CTNNA3: variants seen among roughly 807,000 people sequenced by gnomAD.
CTNNA3 encodes catenin alpha-3.
Under a neutral mutation model 95.7 loss-of-function variants are expected in CTNNA3, and 76 were observed. The observed-to-expected ratio is 0.79, with a 90% CI of 0.66 to 0.96. The LOEUF (loss-of-function observed/expected upper bound fraction) is 0.96. Among genes scored for constraint, CTNNA3 ranks in the 40% least tolerant of loss-of-function variants. The pLI, the probability that CTNNA3 is intolerant of heterozygous loss-of-function variation, is 0.00. For synonymous variants in CTNNA3, 431 were observed against 374.4 expected (o/e 1.15, Z -1.74); for missense variants, 1,191 against 1,089.8 (o/e 1.09, Z -1.31).
At chr10:67,344,686 T>C (rs1419833420) in intron 5 of CTNNA3, among the ~76,000 whole-genome samples, 1 of 152,096 alleles carries the variant, frequency 6.6e-6, no homozygotes, top group Non-Finnish European at 1.5e-5. Flanking sequence ...GTGGTATCAG[T>C]TGTATGTCCC....
rs74141705 is a variant in CTNNA3 at position 66,839,925 on chromosome 10, G to A, written c.1048-64401C>T. Among the ~76,000 whole-genome samples the A allele has an allele frequency of 9.1e-3, 1,384 of 152,168 alleles. 16 individuals carry two copies. The highest frequency in any genetic ancestry group is 0.032 in the African/African-American group (1,315 of 41,518). On this transcript the variant is annotated intron_variant, in intron 7 of 17. Transcript: ENST00000433211. ...GAATCTACACTGCCCATTCATAGTT[G>A]TCTGTGAAATTTAGATGTTTGAAGT... is the stretch of plus-strand genomic sequence containing the variant.
intron 15 of CTNNA3, among the ~76,000 whole-genome samples, chr10:66,040,872 T>A (rs1162290131): frequency 6.6e-6 from 1 of 152,070 alleles, no homozygotes; most frequent in Non-Finnish European, 1.5e-5. Context: ...ATCCCTGAAC[T>A]TAAAAGTTTA....
At chr10:67,230,277 G>A (rs1255939294) in intron 5 of CTNNA3, among the ~76,000 whole-genome samples, 9 of 152,160 alleles carry the variant, frequency 5.9e-5, no homozygotes, top group Non-Finnish European at 4.4e-5. Flanking sequence ...ACATGCAGGA[G>A]AATGAAACTG....
intron 13 of CTNNA3, among the ~76,000 whole-genome samples, chr10:66,258,449 G>C (rs1287626317): frequency 6.6e-6 from 1 of 152,068 alleles, no homozygotes; most frequent in African/African-American, 2.4e-5. Flanking sequence ...TGGATTAAAA[G>C]GAAAACCTTT....
At chr10:67,294,911 C>T (rs527268161) in intron 5 of CTNNA3, among the ~76,000 whole-genome samples, 17 of 152,202 alleles carry the variant, frequency 1.1e-4, no homozygotes, top group Middle Eastern at 3.4e-3. Flanking sequence ...CTAATGACTA[C>T]GATATATTGC....
At chr10:66,376,340 A>G (rs1214543834) in intron 12 of CTNNA3, among the ~76,000 whole-genome samples, 2 of 152,178 alleles carry the variant, frequency 1.3e-5, no homozygotes, top group Non-Finnish European at 2.9e-5. Context: ...GGGGTGGAAT[A>G]AAGAATTTCA....
intron 7 of CTNNA3, among the ~76,000 whole-genome samples, chr10:66,906,329 C>A (rs150892897): frequency 2.0e-3 from 311 of 152,186 alleles, no homozygotes; most frequent in African/African-American, 6.9e-3. Flanking sequence ...AACTCTATGC[C>A]TAGAAATAGC....
At chr10:66,350,835 T>C (rs1243242909) in intron 12 of CTNNA3, among the ~76,000 whole-genome samples, 1 of 152,002 alleles carries the variant, frequency 6.6e-6, no homozygotes, top group Non-Finnish European at 1.5e-5. Flanking sequence ...TTACTTAGTG[T>C]ACTGTAAAGG....
Position 66,274,760 on chromosome 10 carries a change from C to A in CTNNA3, c.1884+5710G>T, listed in dbSNP as rs140856044. Among the ~76,000 whole-genome samples the A allele has an allele frequency of 6.9e-3, 1,044 of 152,104 alleles. 6 individuals carry two copies. Among genetic ancestry groups the A allele is most frequent in the South Asian group, 0.019 (92 of 4,812 alleles). On this transcript the variant is annotated intron_variant, in intron 13 of 17. Transcript: ENST00000433211. ...CTCCAATGTAACCACCTCAAATGATCGGTTTTCATAAAAGAGTCTGCTGAG... is the reference window on the plus strand; with the variant it reads ...CTCCAATGTAACCACCTCAAATGATAGGTTTTCATAAAAGAGTCTGCTGAG...
chr10:67,000,094 T>G (rs1851590631), intron 7 of CTNNA3, among the ~76,000 whole-genome samples: 1 of 152,178 alleles, frequency 6.6e-6, no homozygotes, highest in African/African-American at 2.4e-5. Flanking sequence ...TTCTCCATAT[T>G]TCTAACAACT....
intron 7 of CTNNA3, among the ~76,000 whole-genome samples, chr10:67,133,604 C>T (rs1174621061): frequency 2.0e-5 from 3 of 151,482 alleles, no homozygotes; most frequent in South Asian, 2.1e-4. Flanking sequence ...AAGGGATTAA[C>T]AGGCTTAAGG....
At chr10:67,000,159 C>T (rs1041552222) in intron 7 of CTNNA3, among the ~76,000 whole-genome samples, 5 of 152,112 alleles carry the variant, frequency 3.3e-5, no homozygotes, top group African/African-American at 1.2e-4. Context: ...GATCTGGTTT[C>T]CTGAAGACAG....
intron 1 of CTNNA3, among the ~76,000 whole-genome samples, chr10:67,704,886 A>G (rs2133606473): frequency 6.6e-6 from 1 of 151,934 alleles, no homozygotes; most frequent in Non-Finnish European, 1.5e-5. Flanking sequence ...CATCTGACAA[A>G]GGGCTAATAT....
intron 9 of CTNNA3, among the ~76,000 whole-genome samples, chr10:66,636,798 G>A (rs1845352349): frequency 6.6e-6 from 1 of 152,114 alleles, no homozygotes; most frequent in Admixed American, 6.6e-5. Context: ...AAGAAGAGAA[G>A]ATGGGGAAAA....
chr10:67,292,783 T>C (rs1489938412), intron 5 of CTNNA3, among the ~76,000 whole-genome samples: 2 of 152,180 alleles, frequency 1.3e-5, no homozygotes, highest in East Asian at 1.9e-4. Context: ...AAGAGCAACA[T>C]TTCTGATTGG....
chr10:66,387,580 C>T (rs565377291), intron 11 of CTNNA3, among the ~76,000 whole-genome samples: 1 of 152,252 alleles, frequency 6.6e-6, no homozygotes, highest in South Asian at 2.1e-4. Flanking sequence ...TTTGACCCAG[C>T]AATCCCATTA....
At chr10:66,207,296 T>G (rs1430843344) in intron 13 of CTNNA3, among the ~76,000 whole-genome samples, 1 of 151,976 alleles carries the variant, frequency 6.6e-6, no homozygotes, top group African/African-American at 2.4e-5. Context: ...AAAACTTATC[T>G]ATCATATTTT....
At chr10:65,971,067 G>A (rs1489501317) in intron 16 of CTNNA3, among the ~76,000 whole-genome samples, 4 of 150,220 alleles carry the variant, frequency 2.7e-5, no homozygotes, top group African/African-American at 4.9e-5. Flanking sequence ...TTACTTTTGG[G>A]TAAACAATGA....
At chr10:67,536,327 G>A (rs1166498845) in intron 4 of CTNNA3, among the ~76,000 whole-genome samples, 1 of 151,996 alleles carries the variant, frequency 6.6e-6, no homozygotes, top group East Asian at 1.9e-4. Context: ...GAAATAGCAG[G>A]GAGGCAGTTT....
Sources: gnomAD v4.1 joint callset for allele counts (sites outside exome capture counted in the v4.1 genomes callset) on GRCh38, gnomAD v4.1.1 for gene constraint, MANE v1.5 for transcripts, NCBI Gene and HGNC (gene_info 2026-07-23, HGNC 2026-07-21) for gene names.